The following PTPRM variants were observed in gnomAD, a reference collection of about 807,000 sequenced individuals.
PTPRM encodes the protein receptor-type tyrosine-protein phosphatase mu.
In PTPRM, 47 loss-of-function variants were observed where a neutral mutation model predicts 186.7. The observed-to-expected ratio is 0.25, with a 90% CI of 0.20 to 0.32. The LOEUF is 0.32. Among genes scored for constraint, PTPRM ranks in the 10% least tolerant of loss-of-function variants. The pLI, the probability that PTPRM is intolerant of heterozygous loss-of-function variation, is 1.00. For synonymous variants in PTPRM, 668 were observed against 674.9 expected (o/e 0.99, Z 0.16); for missense variants, 1,494 against 1,865.0 (o/e 0.80, Z 3.66).
intron 20 of PTPRM, among the ~76,000 whole-genome samples, chr18:8,303,702 C>T (rs905983331): frequency 6.6e-6 from 1 of 152,170 alleles, no homozygotes; most frequent in East Asian, 1.9e-4. Flanking sequence ...GAAAACAAGG[C>T]AAGACCCACA....
chr18:7,978,290 G>T (rs1266362359), intron 7 of PTPRM, among the ~76,000 whole-genome samples: 1 of 152,072 alleles, frequency 6.6e-6, no homozygotes, highest in Non-Finnish European at 1.5e-5. Context: ...AGCTGACAGG[G>T]TTATTCAACA....
intron 13 of PTPRM, among the ~76,000 whole-genome samples, chr18:8,119,279 T>C (rs1034396889): frequency 2.6e-5 from 4 of 152,176 alleles, no homozygotes; most frequent in Admixed American, 6.5e-5. Flanking sequence ...CACTAAGCTT[T>C]TTGAGAAGTT....
chr18:8,125,522 A>G lies in PTPRM; in HGVS notation c.2167+10695A>G, dbSNP rs561644977. ...CCCTGATTTTTGTATTCTGTTCTAC[A>G]TTATTCTTTTTCATTTTTTTAAAAA... On this transcript the variant is annotated intron_variant, in intron 13 of 32. Coordinates refer to ENST00000580170, the MANE Select transcript of PTPRM (RefSeq NM_001105244.2). 5.9e-5 allele frequency among the ~76,000 whole-genome samples: 9 copies of G among 152,222 alleles called. 1 individual carries two copies. The highest frequency in any genetic ancestry group is 2.2e-4 in the African/African-American group (9 of 41,550).
intron 1 of PTPRM, among the ~76,000 whole-genome samples, chr18:7,748,754 A>G (rs1334694613): frequency 6.6e-6 from 1 of 152,062 alleles, no homozygotes; most frequent in African/African-American, 2.4e-5. Flanking sequence ...TCTCCCCCCA[A>G]ATCCTCCTTG....
chr18:8,227,824 A>G (rs915763284), intron 14 of PTPRM, among the ~76,000 whole-genome samples: 38 of 152,210 alleles, frequency 2.5e-4, no homozygotes, highest in African/African-American at 8.2e-4. Context: ...TGTGGAATTC[A>G]GCAGCATAAG....
At chr18:7,917,010 C>T (rs1266231502) in intron 4 of PTPRM, among the ~76,000 whole-genome samples, 1 of 152,180 alleles carries the variant, frequency 6.6e-6, no homozygotes, top group Non-Finnish European at 1.5e-5. Flanking sequence ...TTTATGATCT[C>T]TCTTACATGA....
chr18:7,649,439 A>G (rs535388581), intron 1 of PTPRM, among the ~76,000 whole-genome samples: 2 of 152,156 alleles, frequency 1.3e-5, no homozygotes, highest in East Asian at 1.9e-4. Flanking sequence ...TCTCTGATTG[A>G]TCTGGGCAAA....
At chr18:8,073,605 A>G (rs1347968904) in intron 8 of PTPRM, among the ~76,000 whole-genome samples, 8 of 152,212 alleles carry the variant, frequency 5.3e-5, no homozygotes, top group Admixed American at 1.3e-4. Flanking sequence ...TAGGGTTTCA[A>G]TGTTAAAATT....
chr18:7,900,061 T>C (rs2049580486), intron 3 of PTPRM, among the ~76,000 whole-genome samples: 1 of 152,220 alleles, frequency 6.6e-6, no homozygotes, highest in Admixed American at 6.5e-5. Flanking sequence ...ACATGTGCTT[T>C]CTTGTTAATC....
At chr18:8,011,956 C>T (rs1041289699) in intron 7 of PTPRM, among the ~76,000 whole-genome samples, 5 of 152,126 alleles carry the variant, frequency 3.3e-5, no homozygotes, top group Non-Finnish European at 5.9e-5. Context: ...TGAAATGTTT[C>T]CTTGCACATT....
rs369583987 is a variant in PTPRM at position 8,312,638 on chromosome 18, G to A, written c.2843-2143G>A. 3.9e-5 allele frequency among the ~76,000 whole-genome samples: 6 copies of A among 152,106 alleles called. No homozygotes were observed. The East Asian group carries it at 9.7e-4, about 25-fold the overall frequency. Reference sequence around the variant, plus strand: ...GCACTCTTCATCTCCATTTTACAGCGAAGGAAGCACAGAAAGATTAAGTAA... The same window carrying A: ...GCACTCTTCATCTCCATTTTACAGCAAAGGAAGCACAGAAAGATTAAGTAA... On this transcript the variant is annotated intron_variant, in intron 20 of 32. Transcript: ENST00000580170.
intron 19 of PTPRM, among the ~76,000 whole-genome samples, chr18:8,259,905 G>A (rs1358847939): frequency 6.6e-6 from 1 of 152,152 alleles, no homozygotes; most frequent in Non-Finnish European, 1.5e-5. Context: ...GCCTCCCAAA[G>A]TGTTGGGATT....
chr18:8,248,273 C>A, intron 17 of PTPRM, 97 bp downstream of exon 17: 1 of 1,173,348 alleles, frequency 8.5e-7, no homozygotes, highest in Non-Finnish European at 1.3e-6. Context: ...CTGTATAATG[C>A]AGTGATTATA....
chr18:7,908,802 A>G (rs1161247418), intron 4 of PTPRM, among the ~76,000 whole-genome samples: 1 of 152,246 alleles, frequency 6.6e-6, no homozygotes, highest in African/African-American at 2.4e-5. Context: ...TTTAGGAAGC[A>G]GAATGCAATT....
intron 1 of PTPRM, among the ~76,000 whole-genome samples, chr18:7,589,630 G>C (rs2037071766): frequency 6.6e-6 from 1 of 152,118 alleles, no homozygotes; most frequent in Non-Finnish European, 1.5e-5. Context: ...ACTCAATTCT[G>C]GTCTTAGTCT....
chr18:8,304,821 ATTTT>A (rs34216473), intron 20 of PTPRM, among the ~76,000 whole-genome samples: 31 of 131,312 alleles, frequency 2.4e-4, no homozygotes, highest in African/African-American at 7.0e-4. Flanking sequence ...TGTTGACTTT[ATTTT>A]TTTTTTTTTT....
At chr18:8,128,325 T>G (rs2092421827) in intron 13 of PTPRM, among the ~76,000 whole-genome samples, 1 of 152,176 alleles carries the variant, frequency 6.6e-6, no homozygotes, top group South Asian at 2.1e-4. Context: ...CATTTCATAT[T>G]AAATGGCAGA....
intron 5 of PTPRM, among the ~76,000 whole-genome samples, chr18:7,947,848 C>G (rs7239786): frequency 6.6e-6 from 1 of 151,884 alleles, no homozygotes; most frequent in Non-Finnish European, 1.5e-5. Context: ...GCCATCGTTT[C>G]TGATTATGTA....
chr18:7,889,126 A>G (rs2048930549), intron 3 of PTPRM, among the ~76,000 whole-genome samples: 1 of 152,084 alleles, frequency 6.6e-6, no homozygotes, highest in Non-Finnish European at 1.5e-5. Context: ...ATAAATGAAT[A>G]AATAAATAAA....
Sources: allele counts gnomAD v4.1 joint callset (sites outside exome capture counted in the v4.1 genomes callset), GRCh38; gene constraint gnomAD v4.1.1; transcripts MANE v1.5; gene names NCBI Gene and HGNC (gene_info 2026-07-23, HGNC 2026-07-21).